The following CAPN8 variants were observed in gnomAD, a reference collection of about 807,000 sequenced individuals.
CAPN8 encodes calpain-8.
A neutral mutation model predicts 80.9 loss-of-function variants in CAPN8; 87 were observed. The observed-to-expected ratio is 1.07, with a 90% CI of 0.90 to 1.28. The LOEUF is 1.28. CAPN8 is among the 50% of genes most tolerant of loss of function. CAPN8 has a pLI of 0.00. For missense variants in CAPN8, 757 were observed against 702.0 expected, an observed-to-expected ratio of 1.08 and a Z score of -0.89; for synonymous variants, 299 against 273.8, an observed-to-expected ratio of 1.09 and a Z score of -0.91.
At position 223,625,857 on chromosome 1, in the gene CAPN8, G is replaced by T. The variant is rs1471424877; in HGVS notation, c.761C>A (p.Thr254Asn). 6.4e-6 allele frequency: 10 copies of T among 1,551,598 alleles called. No individual in the cohort carries two copies. The South Asian group carries it at 1.1e-4, about 17-fold the overall frequency. ...ATGACTCTTAACCAGCTTCTGGCTG[G>T]TGATGGCTTCGGCTTCGGCTGCACT... ...VSSAAEAEAI[T>N]SQKLVKSHAY... Residue 254 changes from threonine (T) to asparagine (N), a missense_variant, in exon 6 of 21, where the codon ACC (threonine) becomes AAC (asparagine). Physicochemically the swap from Thr to Asn is moderately conservative, Grantham distance 65 (BLOSUM62 0). Transcript: ENST00000366872.
rs570655166 is a variant in CAPN8, at chr1:223,619,371, C to T, written c.1057G>A (p.Val353Met). Residue 353 changes from valine to methionine, a missense_variant, in exon 9 of 21, where the codon GTG becomes ATG. Physicochemically the swap from Val to Met is conservative, Grantham distance 21 (BLOSUM62 1). Coordinates refer to ENST00000366872, the MANE Select transcript of CAPN8 (RefSeq NM_001143962.2). The stretch of plus-strand genomic sequence containing the variant: ...AACAGGACCAGGTTCCATTTGTGCA[C>T]CTCCTCGCTACTCAGAGAGTCCGGG... ...LSPDSLSSEE[V>M]HKWNLVLFNG... 2.1e-4 allele frequency: 330 copies of T among 1,551,606 alleles called. No homozygotes were observed. Among genetic ancestry groups the T allele is most frequent in the Non-Finnish European group, 2.8e-4 (325 of 1,147,028 alleles).
rs555326614 is a variant in CAPN8 at position 223,651,076 on chromosome 1, A to G, written c.307+3254T>C. Among the ~76,000 whole-genome samples, 11 of 152,250 alleles carry G rather than the reference A, an allele frequency of 7.2e-5. No individual in the cohort carries two copies. In the South Asian group the frequency reaches 2.3e-3, roughly 32 times the overall value. On this transcript the variant is annotated intron_variant, in intron 2 of 20. Transcript: ENST00000366872. Reference sequence around the variant, plus strand: ...ACATTATAACTTATTCCATCACCACATGGGGCGACCCTGAGACTCCTTCCA... The same window carrying G: ...ACATTATAACTTATTCCATCACCACGTGGGGCGACCCTGAGACTCCTTCCA...
chr1:223,549,432 G>C (rs1171189817), intron 15 of CAPN8, 50 bp from the exon 16 acceptor site: 1 of 1,550,474 alleles, frequency 6.4e-7, no homozygotes, highest in Admixed American at 2.0e-5. Flanking sequence ...ATTTGAAGGT[G>C]AGGGAAAGAA....
intron 15 of CAPN8, 55 bp downstream of exon 15, chr1:223,550,905 A>G: frequency 1.4e-6 from 1 of 709,526 alleles, no homozygotes. Context: ...CCCATCCCTC[A>G]CCCTGCCCCA....
chr1:223,629,530 A>G (rs1657713668), intron 2 of CAPN8, among the ~76,000 whole-genome samples: 2 of 152,220 alleles, frequency 1.3e-5, no homozygotes, highest in African/African-American at 4.8e-5. Context: ...CACTGATGCC[A>G]CTGAGTGGCA....
intron 1 of CAPN8, among the ~76,000 whole-genome samples, chr1:223,660,930 G>A (rs1658627662): frequency 6.6e-6 from 1 of 152,206 alleles, no homozygotes; most frequent in Admixed American, 6.5e-5. Context: ...ATTTTGGGAG[G>A]CCGAGGCAGG....
chr1:223,642,126 C>T (rs1201082763), intron 2 of CAPN8, among the ~76,000 whole-genome samples: 1 of 152,226 alleles, frequency 6.6e-6, no homozygotes, highest in African/African-American at 2.4e-5. Context: ...CAGGGCATGA[C>T]AGATACCCAG....
chr1:223,654,419 A>C lies in CAPN8; in HGVS notation c.238-20T>G, dbSNP rs1658424369. On this transcript the variant is annotated intron_variant, in intron 1 of 20. Transcript: ENST00000366872. ...CAACTCCTGAAAGTAATTTGGAACA[A>C]AACACAAGTCACAAGGTGCTCAGTG... The C allele has an allele frequency of 3.9e-6, 6 of 1,551,006 alleles. No homozygotes were observed. The African/African-American group carries it at 8.2e-5, about 21-fold the overall frequency.
At position 223,654,810 on chromosome 1, in the gene CAPN8, G is replaced by A. The variant is rs192819771; in HGVS notation, c.238-411C>T. On this transcript the variant is annotated intron_variant, in intron 1 of 20. Transcript: ENST00000366872. ...CCTGCCTCAGCCTACCACATAGCTG[G>A]GATTACAGGCACGTGCCACCACACC... is the stretch of plus-strand genomic sequence containing the variant. 5.7e-3 allele frequency among the ~76,000 whole-genome samples: 868 copies of A among 151,472 alleles called. 6 individuals carry two copies. The highest frequency in any genetic ancestry group is 0.02 in the African/African-American group (843 of 41,188).
chr1:223,613,522 T>TGG (rs1657089316), intron 10 of CAPN8, among the ~76,000 whole-genome samples: 1 of 152,144 alleles, frequency 6.6e-6, no homozygotes, highest in African/African-American at 2.4e-5. Flanking sequence ...GCCAGGCAGG[T>TGG]GGGGCCTCTT....
At chr1:223,659,141 C>T (rs140929341) in intron 1 of CAPN8, among the ~76,000 whole-genome samples, 200 of 152,280 alleles carry the variant, frequency 1.3e-3, no homozygotes, top group African/African-American at 4.3e-3. Flanking sequence ...ATGACCAGGC[C>T]TAAGGAAATA....
chr1:223,628,844 G>T (rs915367046), intron 2 of CAPN8, 64 bp from the exon 3 acceptor site: 2 of 1,312,562 alleles, frequency 1.5e-6, no homozygotes, highest in South Asian at 1.3e-5. Flanking sequence ...TGCTTTCTCT[G>T]ACCCTGTCCC....
intron 14 of CAPN8, among the ~76,000 whole-genome samples, chr1:223,552,559 CA>C (rs1167143421): frequency 0.19 from 12,432 of 65,496 alleles, 326 homozygotes; most frequent in Middle Eastern, 0.25. Context: ...CAGTCCATCT[CA>C]AAAAAAAAAA....
Position 223,553,825 on chromosome 1 carries a change from C to T in CAPN8, c.1641+7G>A. 1 of 398,704 alleles carries T rather than the reference C, an allele frequency of 2.5e-6. No individual in the cohort carries two copies. Among genetic ancestry groups the T allele is most frequent in the Non-Finnish European group, 4.4e-6 (1 of 226,144 alleles). The allele number at this position is 398,704 out of a possible 1,614,324, so 24.7% of individuals were successfully genotyped here. On this transcript the variant is annotated splice_region_variant and intron_variant, in intron 14 of 20. Coordinates refer to ENST00000366872, the MANE Select transcript of CAPN8 (RefSeq NM_001143962.2). Reference sequence around the variant, plus strand: ...CACCTGGGAAGCCATGTTCGCCCTCCACTCACCTTCCCTGCCAACTTCTCA... The same window carrying T: ...CACCTGGGAAGCCATGTTCGCCCTCTACTCACCTTCCCTGCCAACTTCTCA...
chr1:223,549,346 G>T lies in CAPN8; in HGVS notation c.1736C>A (p.Thr579Asn), dbSNP rs1656719807. The T allele has an allele frequency of 6.4e-7, 1 of 1,551,794 alleles. No individual in the cohort carries two copies. Among genetic ancestry groups the T allele is most frequent in the Non-Finnish European group, 8.7e-7 (1 of 1,147,046 alleles). The change falls in exon 16 of 21, where the codon ACT becomes AAT. Residue 579 changes from threonine to asparagine, a missense_variant. Physicochemically the swap from Thr to Asn is moderately conservative, Grantham distance 65. Transcript: ENST00000366872. ...CAACAGACTGATCATTTCCCTGCAA[G>T]TGTTGATGTTGAATCCATCGAATTT... ...DIKFDGFNIN[T>N]CREMISLLDS... is the part of the protein sequence containing the mutation.
At chr1:223,545,504 A>T in intron 16 of CAPN8, 1 of 752,536 alleles carries the variant, frequency 1.3e-6, no homozygotes, top group Non-Finnish European at 2.1e-6. Flanking sequence ...CTCTGAGGCC[A>T]GGCACAGAGC....
intron 1 of CAPN8, among the ~76,000 whole-genome samples, chr1:223,655,217 T>A (rs1658452135): frequency 6.6e-6 from 1 of 152,252 alleles, no homozygotes; most frequent in African/African-American, 2.4e-5. Context: ...GACTAAATGA[T>A]AATGACCCCA....
At chr1:223,638,436 C>T (rs1203857842) in intron 2 of CAPN8, among the ~76,000 whole-genome samples, 11 of 152,108 alleles carry the variant, frequency 7.2e-5, no homozygotes. Flanking sequence ...CAAAGATACA[C>T]ATGACTGTAT....
intron 2 of CAPN8, among the ~76,000 whole-genome samples, chr1:223,647,370 A>G (rs1445149360): frequency 6.6e-6 from 1 of 152,220 alleles, no homozygotes; most frequent in Admixed American, 6.5e-5. Context: ...TATCCTATGT[A>G]AAATGCAGAT....
Sources: allele counts gnomAD v4.1 joint callset (sites outside exome capture counted in the v4.1 genomes callset), GRCh38; gene constraint gnomAD v4.1.1; transcripts MANE v1.5; gene names NCBI Gene and HGNC (gene_info 2026-07-23, HGNC 2026-07-21).